Variants in EYS observed in about 807,000 individuals in gnomAD.
EYS encodes EGF-like photoreceptor maintenance factor, also known as protein eyes shut homolog.
Under a neutral mutation model 282.1 loss-of-function variants are expected in EYS, and 250 were observed. The ratio of observed to expected loss-of-function variants is 0.89; its 90% CI spans 0.80 to 0.98. The LOEUF is 0.98. Among genes scored for constraint, EYS ranks in the 50% least tolerant of loss-of-function variants. EYS has a pLI of 0.00. For synonymous variants in EYS, 1,355 were observed against 1,282.9 expected, an observed-to-expected ratio of 1.06 and a Z score of -1.20; for missense variants, 4,016 against 3,709.0, an observed-to-expected ratio of 1.08 and a Z score of -2.15.
intron 26 of EYS, among the ~76,000 whole-genome samples, chr6:64,555,978 C>CAAATTAAA (rs1765221360): frequency 6.6e-6 from 1 of 151,782 alleles, no homozygotes; most frequent in Non-Finnish European, 1.5e-5. Context: ...AGAACAAAAA[C>CAAATTAAA]AGACAATAAA....
chr6:64,076,223 T>C (rs1233200226), intron 32 of EYS, among the ~76,000 whole-genome samples: 3 of 152,002 alleles, frequency 2.0e-5, no homozygotes, highest in Non-Finnish European at 4.4e-5. Flanking sequence ...GAATAAATTA[T>C]AACAATGTTC....
chr6:64,076,287 C>A (rs1771768963), intron 32 of EYS, among the ~76,000 whole-genome samples: 1 of 151,896 alleles, frequency 6.6e-6, no homozygotes, highest in African/African-American at 2.4e-5. Context: ...TCACAACTAT[C>A]AAGGTTGAAT....
chr6:64,288,959 C>T (rs1426134076), intron 30 of EYS, among the ~76,000 whole-genome samples: 1 of 152,066 alleles, frequency 6.6e-6, no homozygotes, highest in Non-Finnish European at 1.5e-5. Flanking sequence ...TTCAAAAAAC[C>T]TCCTATCTGG....
chr6:65,065,054 C>T (rs541105160), intron 12 of EYS, among the ~76,000 whole-genome samples: 1 of 152,214 alleles, frequency 6.6e-6, no homozygotes, highest in South Asian at 2.1e-4. Context: ...GAGTAAGCCA[C>T]CAGGAAACCC....
At chr6:64,177,288 T>G (rs967874649) in intron 31 of EYS, among the ~76,000 whole-genome samples, 6 of 151,564 alleles carry the variant, frequency 4.0e-5, no homozygotes, top group Non-Finnish European at 8.8e-5. Flanking sequence ...CTATTCATTT[T>G]CAGAAAGCAA....
At chr6:64,019,727 A>T (rs1195866269) in intron 33 of EYS, among the ~76,000 whole-genome samples, 1 of 151,768 alleles carries the variant, frequency 6.6e-6, no homozygotes, top group Non-Finnish European at 1.5e-5. Flanking sequence ...TCTTTTTTAA[A>T]TGAAGTAATG....
chr6:65,022,304 G>T (rs1004659987), intron 13 of EYS, among the ~76,000 whole-genome samples: 1 of 152,154 alleles, frequency 6.6e-6, no homozygotes, highest in Non-Finnish European at 1.5e-5. Flanking sequence ...ACCAAAAGAG[G>T]CATATTATGC....
At chr6:64,848,180 G>A (rs1309344714) in intron 19 of EYS, among the ~76,000 whole-genome samples, 1 of 151,908 alleles carries the variant, frequency 6.6e-6, no homozygotes, top group Non-Finnish European at 1.5e-5. Context: ...AAATGATTTT[G>A]ATTACGACAG....
At chr6:65,256,292 A>G (rs1857186) in intron 12 of EYS, among the ~76,000 whole-genome samples, 1 of 68,914 alleles carries the variant, frequency 1.5e-5, no homozygotes, top group Non-Finnish European at 2.8e-5. Flanking sequence ...TTTTTAATTA[A>G]AGTTTTAGGG....
chr6:64,390,650 T>C (rs999995566), intron 28 of EYS, among the ~76,000 whole-genome samples: 1 of 149,104 alleles, frequency 6.7e-6, no homozygotes, highest in Non-Finnish European at 1.5e-5. Flanking sequence ...AGACCAAAAG[T>C]AGATAAAACC....
intron 22 of EYS, among the ~76,000 whole-genome samples, chr6:64,716,766 A>AT (rs774825652): frequency 1.7e-4 from 26 of 151,558 alleles, no homozygotes; most frequent in South Asian, 1.7e-3. Flanking sequence ...TTACGTTGAT[A>AT]TTTTTTTTTC....
intron 2 of EYS, among the ~76,000 whole-genome samples, chr6:65,625,634 A>T (rs935852210): frequency 2.0e-5 from 3 of 152,174 alleles, no homozygotes; most frequent in Admixed American, 6.6e-5. Flanking sequence ...CATGTTTTCT[A>T]TTTTTATGTT....
At chr6:65,033,160 C>T (rs1772656686) in intron 13 of EYS, among the ~76,000 whole-genome samples, 1 of 152,036 alleles carries the variant, frequency 6.6e-6, no homozygotes, top group Admixed American at 6.6e-5. Flanking sequence ...CTTCTAACAA[C>T]CTAGCTCAGA....
At chr6:64,851,331 A>T (rs1336116414) in intron 19 of EYS, among the ~76,000 whole-genome samples, 1 of 152,062 alleles carries the variant, frequency 6.6e-6, no homozygotes, top group South Asian at 2.1e-4. Context: ...TTTTTAAAAA[A>T]ATAAGGACAT....
chr6:64,685,806 T>A (rs1236728458), intron 22 of EYS, among the ~76,000 whole-genome samples: 1 of 152,182 alleles, frequency 6.6e-6, no homozygotes, highest in African/African-American at 2.4e-5. Context: ...CAAGTACCTT[T>A]GAATCATTAT....
chr6:64,523,497 C>A (rs990849302), intron 26 of EYS, among the ~76,000 whole-genome samples: 7 of 151,706 alleles, frequency 4.6e-5, no homozygotes, highest in Non-Finnish European at 8.9e-5. Flanking sequence ...TCCCTTGAAG[C>A]AAGATACTGT....
chr6:64,593,404 T>G (rs1176102804), intron 24 of EYS, 95 bp from the exon 25 acceptor site: 4 of 879,132 alleles, frequency 4.5e-6, no homozygotes, highest in Non-Finnish European at 6.9e-6. Flanking sequence ...TGCATTTCCA[T>G]AGACATATTG....
intron 1 of EYS, among the ~76,000 whole-genome samples, chr6:65,664,138 G>A (rs900365869): frequency 2.0e-5 from 3 of 151,876 alleles, no homozygotes; most frequent in African/African-American, 4.8e-5. Flanking sequence ...CCAAAGTGCC[G>A]GGATTACAGG....
chr6:65,187,858 C>T lies in EYS; in HGVS notation c.2023+108005G>A, dbSNP rs546141068. On this transcript the variant is annotated intron_variant, in intron 12 of 42. Transcript: ENST00000503581. ...AAAATATTGCTAATTTTATTTTTCC[C>T]AAATTAATTTTTGCCTTTGAGATTC... Among the ~76,000 whole-genome samples, 5 of 151,576 alleles carry T rather than the reference C, an allele frequency of 3.3e-5. No individual in the cohort carries two copies. In the South Asian group the frequency reaches 1.0e-3, roughly 31 times the overall value.
Sources: gnomAD v4.1 joint callset for allele counts (sites outside exome capture counted in the v4.1 genomes callset) on GRCh38, gnomAD v4.1.1 for gene constraint, MANE v1.5 for transcripts, NCBI Gene and HGNC (gene_info 2026-07-23, HGNC 2026-07-21) for gene names.